SFTPD: variants seen among roughly 807,000 people sequenced by gnomAD.
SFTPD encodes the protein pulmonary surfactant-associated protein D.
Under a neutral mutation model 34.6 loss-of-function variants are expected in SFTPD, and 18 were observed. The observed-to-expected ratio is 0.52, with a 90% CI of 0.36 to 0.77. The LOEUF (loss-of-function observed/expected upper bound fraction) is 0.77. Ranked by LOEUF, SFTPD falls within the 30% of genes least tolerant of loss-of-function variation. SFTPD has a pLI of 0.00. For missense variants in SFTPD, 433 were observed against 468.9 expected (o/e 0.92, Z 0.71); for synonymous variants, 155 against 180.9 (o/e 0.86, Z 1.15).
intron 1 of SFTPD, among the ~76,000 whole-genome samples, chr10:79,977,169 A>G (rs1269053691): frequency 6.6e-6 from 1 of 152,200 alleles, no homozygotes; most frequent in Non-Finnish European, 1.5e-5. Context: ...TCACCTCTGG[A>G]GCCAAACTCA....
At chr10:79,974,247 A>G (rs1373230268) in intron 1 of SFTPD, among the ~76,000 whole-genome samples, 1 of 152,062 alleles carries the variant, frequency 6.6e-6, no homozygotes, top group Non-Finnish European at 1.5e-5. Flanking sequence ...GGCTCACTGC[A>G]AGCTCTGCCT....
At position 79,941,885 on chromosome 10, in the gene SFTPD, G is replaced by A. The variant is rs1842615697; in HGVS notation, c.550+69C>T. 4.1e-6 allele frequency: 4 copies of A among 972,778 alleles called. No homozygotes were observed. In the Admixed American group the frequency reaches 7.0e-5, roughly 17 times the overall value. The allele number at this position is 972,778 out of a possible 1,614,324, so 60.3% of individuals were successfully genotyped here. ...CTTTGTGGGTGGTGGAGGGGGTGTA[G>A]GCATTGACAGCTCCAAGCAGGCACA... is the stretch of plus-strand genomic sequence containing the variant. On this transcript the variant is annotated intron_variant, in intron 5 of 7. Coordinates refer to ENST00000372292, the MANE Select transcript of SFTPD (RefSeq NM_003019.5).
At chr10:79,977,310 C>T (rs1313992752) in intron 1 of SFTPD, among the ~76,000 whole-genome samples, 1 of 152,240 alleles carries the variant, frequency 6.6e-6, no homozygotes, top group Non-Finnish European at 1.5e-5. Flanking sequence ...TGGTGCTCTG[C>T]TCACAAACAA....
At chr10:79,950,911 A>G (rs1842706089), upstream of SFTPD, 1 of 151,990 alleles carries the variant, frequency 6.6e-6, no homozygotes, top group South Asian at 2.1e-4. Context: ...CTGTCTGACT[A>G]GGTTAATTCA....
chr10:79,938,880 G>T (rs1564762094), intron 7 of SFTPD, among the ~76,000 whole-genome samples: 1 of 152,198 alleles, frequency 6.6e-6, no homozygotes, highest in Non-Finnish European at 1.5e-5. Flanking sequence ...CAGTCAGCCT[G>T]CCTGGGAGGT....
At chr10:79,940,642 G>C in intron 7 of SFTPD, 63 bp downstream of exon 7, 2 of 1,110,954 alleles carry the variant, frequency 1.8e-6, no homozygotes, top group South Asian at 2.5e-5. Context: ...GCCAAACCAA[G>C]GTCAAGATCT....
intron 1 of SFTPD, among the ~76,000 whole-genome samples, chr10:79,974,919 A>G (rs569645105): frequency 3.9e-5 from 6 of 152,350 alleles, no homozygotes; most frequent in Middle Eastern, 3.4e-3. Context: ...CATTGTTTCT[A>G]TAGACATTCG....
chr10:79,944,057 C>T (rs2132497857), intron 2 of SFTPD, among the ~76,000 whole-genome samples: 1 of 152,366 alleles, frequency 6.6e-6, no homozygotes, highest in East Asian at 1.9e-4. Context: ...AAAACACTCA[C>T]TGTGTATCGT....
chr10:79,954,659 G>C (rs951131211), intron 1 of SFTPD, among the ~76,000 whole-genome samples: 1 of 152,166 alleles, frequency 6.6e-6, no homozygotes, highest in Non-Finnish European at 1.5e-5. Context: ...TTTGCAGGAG[G>C]TGGAGCTGTT....
At chr10:79,962,917 A>G (rs942940939) in intron 1 of SFTPD, among the ~76,000 whole-genome samples, 2 of 152,204 alleles carry the variant, frequency 1.3e-5, no homozygotes, top group African/African-American at 4.8e-5. Context: ...TTCAGGTTTT[A>G]TAACCATGAA....
chr10:79,940,678 G>C, intron 7 of SFTPD, 27 bp downstream of exon 7: 2 of 1,454,820 alleles, frequency 1.4e-6, no homozygotes, highest in Non-Finnish European at 1.9e-6. Flanking sequence ...GCCAGTGCTG[G>C]GTCCAGGTTC....
intron 1 of SFTPD, chr10:79,968,911 C>G (rs904022681): frequency 1.3e-5 from 2 of 152,004 alleles, no homozygotes; most frequent in African/African-American, 2.4e-5. Context: ...TTGCATTTAT[C>G]TGATGATTAG....
chr10:79,979,618 A>G (rs1192328679), intron 1 of SFTPD, among the ~76,000 whole-genome samples: 1 of 152,214 alleles, frequency 6.6e-6, no homozygotes. Flanking sequence ...GCCCTAGCCA[A>G]AGAGGAATTG....
rs987916157 is a variant in SFTPD at position 79,937,889 on chromosome 10, G to A, written c.1091C>T (p.Ala364Val). 6.4e-7 allele frequency: 1 copy of A among 1,571,000 alleles called. No individual in the cohort carries two copies. The highest frequency in any genetic ancestry group is 8.7e-7 in the Non-Finnish European group (1 of 1,153,806). Reference sequence around the variant, plus strand: ...GACCACAAGACGCTTTTCTCCACAAGCCCTGTCATTCCACTTGCCATTGGT... The same window carrying A: ...GACCACAAGACGCTTTTCTCCACAAACCCTGTCATTCCACTTGCCATTGGT... ...IFTNGKWNDR[A>V]CGEKRLVVCE... Residue 364 changes from alanine to valine, a missense_variant, in exon 8 of 8, where the codon GCT becomes GTT. Coordinates refer to ENST00000372292, the MANE Select transcript of SFTPD (RefSeq NM_003019.5).
chr10:79,938,916 G>A (rs1171897671), intron 7 of SFTPD, among the ~76,000 whole-genome samples: 1 of 152,220 alleles, frequency 6.6e-6, no homozygotes, highest in African/African-American at 2.4e-5. Flanking sequence ...GAGAGCATCT[G>A]AAGGGCATGT....
intron 7 of SFTPD, among the ~76,000 whole-genome samples, chr10:79,938,861 T>C (rs753993579): frequency 3.3e-5 from 5 of 152,180 alleles, no homozygotes; most frequent in Non-Finnish European, 5.9e-5. Flanking sequence ...ACATGGATGA[T>C]GTCCTAGCCA....
In SFTPD at chr10:79,941,514, C is replaced by G. The variant is rs1244785717; in HGVS notation, c.551G>C (p.Gly184Ala). 6.3e-7 allele frequency: 1 copy of G among 1,589,822 alleles called. No homozygotes were observed. The highest frequency in any genetic ancestry group is 8.5e-7 in the Non-Finnish European group (1 of 1,171,692). Reference sequence around the variant, plus strand: ...CTGGGGACCCATGGCTCCAGCAGACCCTGGGGTAAAAGAAGAACTGGGTGA... The same window carrying G: ...CTGGGGACCCATGGCTCCAGCAGACGCTGGGGTAAAAGAAGAACTGGGTGA... ...RGVPGNTGAA[G>A]SAGAMGPQGS... The change falls in exon 6 of 8, where the codon GGG (glycine) becomes GCG (alanine). Residue 184 changes from glycine (G) to alanine (A), a missense_variant and splice_region_variant. Physicochemically the swap from Gly to Ala is moderately conservative, Grantham distance 60. Coordinates refer to ENST00000372292, the MANE Select transcript of SFTPD (RefSeq NM_003019.5).
chr10:79,951,002 T>G (rs553014269), upstream of SFTPD: 1 of 152,258 alleles, frequency 6.6e-6, no homozygotes, highest in East Asian at 1.9e-4. Flanking sequence ...TATTTTATAG[T>G]TCCTTCAATA....
At chr10:79,969,527 A>G (rs1295535056) in intron 1 of SFTPD, 1 of 152,104 alleles carries the variant, frequency 6.6e-6, no homozygotes, top group Non-Finnish European at 1.5e-5. Flanking sequence ...TAGTTCGTGA[A>G]TATTTTCATT....
Sources: allele counts gnomAD v4.1 joint callset (sites outside exome capture counted in the v4.1 genomes callset), GRCh38; gene constraint gnomAD v4.1.1; transcripts MANE v1.5; gene names NCBI Gene and HGNC (gene_info 2026-07-23, HGNC 2026-07-21).